The following RELN variants were observed in gnomAD, a reference collection of about 807,000 sequenced individuals.
The protein encoded by RELN is reelin.
Under a neutral mutation model 427.6 loss-of-function variants are expected in RELN, and 108 were observed. The observed-to-expected ratio is 0.25, with a 90% CI of 0.22 to 0.30. The LOEUF (loss-of-function observed/expected upper bound fraction) is 0.30, where lower values mean the gene tolerates loss of function less well. RELN is among the 10% of genes least tolerant of loss of function. The pLI is 1.00. For synonymous variants in RELN, 1,524 were observed against 1,513.4 expected (o/e 1.01, Z -0.16); for missense variants, 3,715 against 4,302.8 (o/e 0.86, Z 3.82).
chr7:103,658,777 T>C (rs1833075634), intron 12 of RELN, among the ~76,000 whole-genome samples: 1 of 152,006 alleles, frequency 6.6e-6, no homozygotes. Context: ...AAGTCACTGG[T>C]GGCCTCTCAG....
At chr7:103,975,457 T>C (rs1796850412) in intron 1 of RELN, among the ~76,000 whole-genome samples, 1 of 152,114 alleles carries the variant, frequency 6.6e-6, no homozygotes, top group African/African-American at 2.4e-5. Flanking sequence ...AGGACGATAA[T>C]AGCAATGAAG....
chr7:103,914,907 T>C (rs1389206485), intron 2 of RELN, among the ~76,000 whole-genome samples: 1 of 152,142 alleles, frequency 6.6e-6, no homozygotes, highest in African/African-American at 2.4e-5. Context: ...TCTCCAGTGT[T>C]TTCTCCATAC....
At chr7:103,660,391 T>C (rs529584738) in intron 12 of RELN, among the ~76,000 whole-genome samples, 31 of 152,294 alleles carry the variant, frequency 2.0e-4, no homozygotes, top group South Asian at 1.0e-3. Flanking sequence ...GAGACTATAT[T>C]ACTTTATTTT....
rs562445179 is a variant in RELN, at chr7:103,937,561, T to C, written c.227-20376A>G. 2.4e-4 allele frequency among the ~76,000 whole-genome samples: 37 copies of C among 152,366 alleles called. No individual in the cohort carries two copies. The South Asian group carries it at 3.7e-3, about 15-fold the overall frequency. On this transcript the variant is annotated intron_variant, in intron 1 of 64. Coordinates refer to ENST00000428762, the MANE Select transcript of RELN (RefSeq NM_005045.4). ...ACTGTAAAAACCATGTATGTCTTTA[T>C]TTTATGAGAAACATTTATGAAATGA...
intron 38 of RELN, among the ~76,000 whole-genome samples, chr7:103,556,693 T>C (rs192948251): frequency 1.5e-3 from 229 of 152,322 alleles, no homozygotes; most frequent in African/African-American, 5.2e-3. Context: ...CTCTTGCTGC[T>C]GCCATGTAAG....
At chr7:103,622,435 C>A (rs891797605) in intron 20 of RELN, among the ~76,000 whole-genome samples, 4 of 152,180 alleles carry the variant, frequency 2.6e-5, no homozygotes, top group African/African-American at 9.7e-5. Context: ...TTCTATTATC[C>A]TCTACTCCTA....
chr7:103,839,091 T>C (rs938776506), intron 2 of RELN, among the ~76,000 whole-genome samples: 22 of 152,194 alleles, frequency 1.4e-4, no homozygotes, highest in Non-Finnish European at 1.0e-4. Context: ...CTTAGTAAAA[T>C]GTGTAAAATT....
chr7:103,595,054 T>C (rs920900233), intron 25 of RELN, among the ~76,000 whole-genome samples: 4 of 152,204 alleles, frequency 2.6e-5, no homozygotes, highest in Non-Finnish European at 5.9e-5. Flanking sequence ...CATTACATCA[T>C]AAGTACATTC....
chr7:103,501,135 C>T (rs1829013472), intron 52 of RELN, among the ~76,000 whole-genome samples: 1 of 152,078 alleles, frequency 6.6e-6, no homozygotes, highest in African/African-American at 2.4e-5. Context: ...AATATCTGAG[C>T]ACACTTGCAC....
intron 11 of RELN, among the ~76,000 whole-genome samples, chr7:103,681,695 A>G (rs894684388): frequency 3.9e-5 from 6 of 152,138 alleles, no homozygotes; most frequent in Non-Finnish European, 8.8e-5. Context: ...TTTATCCCCT[A>G]AAGAATTTTT....
In RELN at chr7:103,840,952, G is replaced by A. The variant is rs1006378284; in HGVS notation, c.338-7280C>T. Among the ~76,000 whole-genome samples, 4 of 151,966 alleles carry A rather than the reference G, an allele frequency of 2.6e-5. No individual in the cohort carries two copies. In the South Asian group the frequency reaches 6.2e-4, roughly 24 times the overall value. ...GTACATATAATGTATATGTGTGTAT[G>A]GTGTACTTATAATAATGATTTTATT... On this transcript the variant is annotated intron_variant, in intron 2 of 64. Transcript: ENST00000428762.
chr7:103,708,637 G>T (rs1309275237), intron 8 of RELN, among the ~76,000 whole-genome samples: 2 of 151,538 alleles, frequency 1.3e-5, no homozygotes, highest in Non-Finnish European at 2.9e-5. Context: ...CTAATTTTTT[G>T]TATTTTTAGT....
chr7:103,515,552 G>A (rs929549184), intron 49 of RELN, 111 bp from the exon 50 acceptor site: 3 of 1,377,488 alleles, frequency 2.2e-6, no homozygotes, highest in African/African-American at 2.9e-5. Context: ...TGGTGGGTGA[G>A]GGAAGGACAT....
chr7:103,615,516 T>C (rs1421094739), intron 20 of RELN, among the ~76,000 whole-genome samples: 1 of 152,178 alleles, frequency 6.6e-6, no homozygotes, highest in East Asian at 1.9e-4. Flanking sequence ...CAGAAGCACA[T>C]TGTTTTGGAC....
At chr7:103,906,470 GC>G (rs1019977158) in intron 2 of RELN, among the ~76,000 whole-genome samples, 12 of 152,190 alleles carry the variant, frequency 7.9e-5, no homozygotes, top group South Asian at 4.2e-4. Context: ...AAATATCTAA[GC>G]CTGATGAAAA....
At chr7:103,527,586 G>A (rs1829851155) in intron 46 of RELN, among the ~76,000 whole-genome samples, 1 of 152,202 alleles carries the variant, frequency 6.6e-6, no homozygotes, top group Non-Finnish European at 1.5e-5. Context: ...TATGTGTCTT[G>A]ACTTCTGTGT....
At chr7:103,613,994 A>T (rs1165706492) in intron 20 of RELN, among the ~76,000 whole-genome samples, 2 of 152,238 alleles carry the variant, frequency 1.3e-5, no homozygotes, top group Non-Finnish European at 2.9e-5. Flanking sequence ...TTGCATGATT[A>T]CAAATGTAAC....
chr7:103,946,362 T>C (rs979252624), intron 1 of RELN, among the ~76,000 whole-genome samples: 2 of 152,220 alleles, frequency 1.3e-5, no homozygotes, highest in African/African-American at 4.8e-5. Context: ...TTTTTCATTC[T>C]GCTCTAGTTT....
At chr7:103,608,485 T>C (rs1038924533) in intron 22 of RELN, among the ~76,000 whole-genome samples, 1 of 152,134 alleles carries the variant, frequency 6.6e-6, no homozygotes, top group Admixed American at 6.6e-5. Flanking sequence ...TACTTAAAGG[T>C]AAATGGTCCG....
Sources: gnomAD v4.1 joint callset for allele counts (sites outside exome capture counted in the v4.1 genomes callset) on GRCh38, gnomAD v4.1.1 for gene constraint, MANE v1.5 for transcripts, NCBI Gene and HGNC (gene_info 2026-07-23, HGNC 2026-07-21) for gene names.